DECR1: variants seen among roughly 807,000 people sequenced by gnomAD.
DECR1 encodes the protein 2,4-dienoyl-CoA reductase [(3E)-enoyl-CoA-producing], mitochondrial.
In DECR1, 44 loss-of-function variants were observed where a neutral mutation model predicts 38.8. The observed-to-expected ratio is 1.13, with a 90% confidence interval of 0.89 to 1.46. DECR1 has a LOEUF of 1.46. DECR1 is among the 40% of genes most tolerant of loss of function. The pLI is 0.00. For missense variants in DECR1, 428 were observed against 405.5 expected (o/e 1.06, Z -0.48); for synonymous variants, 148 against 135.2 (o/e 1.09, Z -0.66).
At chr8:90,021,409 G>C (rs1813160840) in intron 5 of DECR1, among the ~76,000 whole-genome samples, 1 of 152,038 alleles carries the variant, frequency 6.6e-6, no homozygotes. Context: ...GTGGAGAGGA[G>C]GACATAAGTA....
At position 90,028,250 on chromosome 8, in the gene DECR1, G is replaced by T. The variant is rs542493439; in HGVS notation, c.565+7194G>T. Among the ~76,000 whole-genome samples, 17 of 152,174 alleles carry T rather than the reference G, an allele frequency of 1.1e-4. 1 individual carries two copies. In the South Asian group the frequency reaches 3.3e-3, roughly 30 times the overall value. ...ATTATATAAGTGTTCAACATAGTGT[G>T]ATACTCTTCATATTTGGATTTTTTT... On this transcript the variant is annotated intron_variant, in intron 5 of 9. Coordinates refer to ENST00000220764, the MANE Select transcript of DECR1 (RefSeq NM_001359.2).
chr8:90,047,352 T>G (rs1158383545), intron 8 of DECR1, among the ~76,000 whole-genome samples: 1 of 150,310 alleles, frequency 6.7e-6, no homozygotes, highest in Non-Finnish European at 1.5e-5. Context: ...ACCAAGCAAA[T>G]GGAAAACAAA....
chr8:90,049,031 G>T (rs749951123), intron 8 of DECR1, among the ~76,000 whole-genome samples: 59 of 152,252 alleles, frequency 3.9e-4, no homozygotes, highest in Non-Finnish European at 7.5e-4. Context: ...GTATTGATGG[G>T]ACATGCCTCA....
At chr8:90,027,781 A>G (rs1046860570) in intron 5 of DECR1, among the ~76,000 whole-genome samples, 1 of 152,030 alleles carries the variant, frequency 6.6e-6, no homozygotes, top group Non-Finnish European at 1.5e-5. Context: ...TTTTAAAAAA[A>G]AATCGTGAAT....
chr8:90,047,707 C>G (rs982442560), intron 8 of DECR1, among the ~76,000 whole-genome samples: 28 of 152,226 alleles, frequency 1.8e-4, no homozygotes, highest in African/African-American at 6.5e-4. Flanking sequence ...ACAGAACTCT[C>G]CACCTCAAAT....
rs1347657481 is a variant in DECR1 at position 90,052,882 on chromosome 8, T to C, written c.*985T>C. Among the ~76,000 whole-genome samples, 3 of 152,300 alleles carry C rather than the reference T, an allele frequency of 2.0e-5. No homozygotes were observed. Among genetic ancestry groups the C allele is most frequent in the South Asian group, 2.1e-4 (1 of 4,828 alleles). ...AGACTGACTATCCCCATTGCCCAAG[T>C]TGACACAAGAGGAAACCAGCTTCCA... On this transcript the variant is annotated 3_prime_UTR_variant, in exon 10 of 10. Transcript: ENST00000220764.
chr8:90,003,865 G>C (rs982518052), intron 1 of DECR1, among the ~76,000 whole-genome samples: 1 of 151,806 alleles, frequency 6.6e-6, no homozygotes, highest in Non-Finnish European at 1.5e-5. Context: ...CTTTAACCTG[G>C]GAGGCAGAGG....
intron 7 of DECR1, among the ~76,000 whole-genome samples, chr8:90,043,982 A>C (rs1158696343): frequency 6.6e-6 from 1 of 152,242 alleles, no homozygotes; most frequent in Non-Finnish European, 1.5e-5. Flanking sequence ...ATACAGAAGT[A>C]TCTCTGAGAA....
In DECR1 at chr8:90,003,492, A is replaced by G. The variant is rs540204053; in HGVS notation, c.69+1931A>G. ...CTGTTCTCAAGTTGCTCTCAGTTCT[A>G]TTGAGGAAAACATTCAGTCATTCAG... On this transcript the variant is annotated intron_variant, in intron 1 of 9. Transcript: ENST00000220764. Among the ~76,000 whole-genome samples, 6 of 152,312 alleles carry G rather than the reference A, an allele frequency of 3.9e-5. No homozygotes were observed. The East Asian group carries it at 7.7e-4, about 20-fold the overall frequency.
intron 5 of DECR1, among the ~76,000 whole-genome samples, chr8:90,032,762 C>T (rs956837075): frequency 1.3e-5 from 2 of 152,154 alleles, no homozygotes; most frequent in Non-Finnish European, 2.9e-5. Context: ...ACCTACCGGC[C>T]GTTCAACAAA....
chr8:90,005,069 G>A (rs1805858), intron 1 of DECR1, among the ~76,000 whole-genome samples: 19 of 152,288 alleles, frequency 1.2e-4, no homozygotes, highest in African/African-American at 4.3e-4. Flanking sequence ...GTTGGAATTT[G>A]TGTGGTCCCA....
At chr8:90,005,709 T>C (rs565531207) in intron 1 of DECR1, 1 of 327,410 alleles carries the variant, frequency 3.1e-6, no homozygotes, top group East Asian at 7.8e-5. Flanking sequence ...TCTGTGTTGC[T>C]ATAAAGGAAT....
intron 1 of DECR1, chr8:90,005,154 T>C (rs1337622450): frequency 3.0e-6 from 1 of 336,176 alleles, no homozygotes; most frequent in Non-Finnish European, 5.8e-6. Context: ...TTCAAGTGGT[T>C]TGTTTGGTAT....
chr8:90,048,537 A>G (rs180709054), intron 8 of DECR1, among the ~76,000 whole-genome samples: 3 of 152,336 alleles, frequency 2.0e-5, no homozygotes, highest in Admixed American at 6.5e-5. Flanking sequence ...AATTGAGGCA[A>G]TAATTAAAAG....
At chr8:90,048,216 A>T (rs1813962526) in intron 8 of DECR1, among the ~76,000 whole-genome samples, 1 of 152,204 alleles carries the variant, frequency 6.6e-6, no homozygotes, top group South Asian at 2.1e-4. Context: ...GAGACACAAA[A>T]AACCCTTCAA....
intron 1 of DECR1, among the ~76,000 whole-genome samples, chr8:90,002,697 C>G (rs953111324): frequency 6.6e-6 from 1 of 152,154 alleles, no homozygotes; most frequent in Non-Finnish European, 1.5e-5. Context: ...AATAGGAATA[C>G]AAAGAATTAG....
intron 5 of DECR1, among the ~76,000 whole-genome samples, chr8:90,023,447 A>G (rs1813215901): frequency 6.6e-6 from 1 of 152,114 alleles, no homozygotes; most frequent in African/African-American, 2.4e-5. Context: ...GGTGAAAAAA[A>G]GACAGTTTTT....
At chr8:90,046,674 G>C (rs1279404962) in intron 8 of DECR1, among the ~76,000 whole-genome samples, 3 of 152,150 alleles carry the variant, frequency 2.0e-5, no homozygotes, top group Non-Finnish European at 4.4e-5. Context: ...TCAAATTCAG[G>C]AAATACAGAG....
chr8:90,044,916 G>T lies in DECR1; in HGVS notation c.806G>T (p.Gly269Val). 6.2e-7 allele frequency: 1 copy of T among 1,613,492 alleles called. No individual in the cohort carries two copies. The highest frequency in any genetic ancestry group is 8.5e-7 in the Non-Finnish European group (1 of 1,179,612). ...GAAATGATTGGCAGAATTCCCTGTG[G>T]TCGCCTGGGGACTGTAGAAGAACTC... Reference protein sequence around the residue: ...EKEMIGRIPCGRLGTVEELAN... With the variant: ...EKEMIGRIPCVRLGTVEELAN... Residue 269 changes from glycine (G) to valine (V), a missense_variant, in exon 8 of 10, where the codon GGT becomes GTT. Coordinates refer to ENST00000220764, the MANE Select transcript of DECR1 (RefSeq NM_001359.2).
Sources: gnomAD v4.1 joint callset for allele counts (sites outside exome capture counted in the v4.1 genomes callset) on GRCh38, gnomAD v4.1.1 for gene constraint, MANE v1.5 for transcripts, NCBI Gene and HGNC (gene_info 2026-07-23, HGNC 2026-07-21) for gene names.